Variants in SLC25A42 observed in about 807,000 individuals in gnomAD.
SLC25A42 encodes the protein solute carrier family 25 member 42.
In SLC25A42, 19 loss-of-function variants were observed where a neutral mutation model predicts 34.7. The observed-to-expected ratio is 0.55, with a 90% CI of 0.38 to 0.80. The LOEUF is 0.80. Ranked by LOEUF, SLC25A42 falls within the 30% of genes least tolerant of loss-of-function variation. SLC25A42 has a pLI of 0.00. For missense variants in SLC25A42, 364 were observed against 441.3 expected (o/e 0.82, Z 1.57); for synonymous variants, 205 against 191.2 (o/e 1.07, Z -0.59).
At chr19:19,095,476 G>A (rs1418465292) in intron 1 of SLC25A42, among the ~76,000 whole-genome samples, 1 of 152,102 alleles carries the variant, frequency 6.6e-6, no homozygotes, top group African/African-American at 2.4e-5. Flanking sequence ...AGCTGGGTGT[G>A]GTAGCAGGCG....
chr19:19,100,366 T>G (rs1488899420), intron 2 of SLC25A42, among the ~76,000 whole-genome samples: 2 of 151,822 alleles, frequency 1.3e-5, no homozygotes, highest in African/African-American at 4.8e-5. Context: ...AATAACCCAT[T>G]TATTTGGGCA....
At chr19:19,104,073 AT>A (rs751069973) in intron 3 of SLC25A42, among the ~76,000 whole-genome samples, 3 of 151,684 alleles carry the variant, frequency 2.0e-5, no homozygotes, top group Non-Finnish European at 4.4e-5. Flanking sequence ...TGCCTGGCTA[AT>A]TTTTTTGTAC....
At chr19:19,077,303 C>T (rs780384596) in intron 1 of SLC25A42, among the ~76,000 whole-genome samples, 14 of 152,214 alleles carry the variant, frequency 9.2e-5, no homozygotes, top group African/African-American at 3.4e-4. Context: ...CACCACCATC[C>T]GTCTCCACAA....
rs954578823 is a variant in SLC25A42 at position 19,104,795 on chromosome 19, G to A, written c.188-118G>A. 3 of 1,093,126 alleles carry A rather than the reference G, an allele frequency of 2.7e-6. No individual in the cohort carries two copies. In the African/African-American group the frequency reaches 7.8e-5, roughly 28 times the overall value. 67.7% of individuals were successfully genotyped at this position (1,093,126 alleles called of 1,614,324 possible). ...GTGTCAGCTCAGCTCCCATTCCTGG[G>A]ACAAGATTGGGGGGAAAAGGAGGGT... On this transcript the variant is annotated intron_variant, in intron 3 of 7. Transcript: ENST00000318596.
At chr19:19,080,107 G>T (rs1278277803) in intron 1 of SLC25A42, among the ~76,000 whole-genome samples, 1 of 152,180 alleles carries the variant, frequency 6.6e-6, no homozygotes, top group Non-Finnish European at 1.5e-5. Context: ...CGGGTGTTCC[G>T]CATGTGTAGG....
intron 3 of SLC25A42, 43 bp downstream of exon 3, chr19:19,101,929 G>A (rs371554550): frequency 3.2e-5 from 45 of 1,409,832 alleles, no homozygotes; most frequent in African/African-American, 2.4e-4. Context: ...GCTGCCAGGC[G>A]GTCACCTCCT....
chr19:19,066,775 C>A (rs1201267978), intron 1 of SLC25A42, among the ~76,000 whole-genome samples: 1 of 152,148 alleles, frequency 6.6e-6, no homozygotes, highest in African/African-American at 2.4e-5. Context: ...TTAGCTTTTA[C>A]AAACAGAGCT....
chr19:19,073,674 A>G (rs991673750), intron 1 of SLC25A42, among the ~76,000 whole-genome samples: 4 of 151,524 alleles, frequency 2.6e-5, no homozygotes, highest in African/African-American at 7.3e-5. Flanking sequence ...TCCTAGGTTC[A>G]AGCAATTCTC....
intron 1 of SLC25A42, among the ~76,000 whole-genome samples, chr19:19,071,163 A>C (rs10409164): frequency 6.6e-6 from 1 of 151,738 alleles, no homozygotes; most frequent in Non-Finnish European, 1.5e-5. Flanking sequence ...TGCACCACCA[A>C]GCCCGGCTAA....
At chr19:19,065,914 T>TG (rs1170387717) in intron 1 of SLC25A42, among the ~76,000 whole-genome samples, 1 of 152,156 alleles carries the variant, frequency 6.6e-6, no homozygotes, top group Non-Finnish European at 1.5e-5. Flanking sequence ...TGGAGTGCAG[T>TG]GGTGTGATCT....
intron 1 of SLC25A42, among the ~76,000 whole-genome samples, chr19:19,067,330 C>T (rs1354155331): frequency 2.0e-5 from 3 of 152,116 alleles, no homozygotes; most frequent in Non-Finnish European, 2.9e-5. Context: ...TTCACACCAC[C>T]CAACACTTTG....
intron 2 of SLC25A42, among the ~76,000 whole-genome samples, 162 bp downstream of exon 2, chr19:19,096,367 G>A (rs538527080): frequency 3.3e-5 from 5 of 150,644 alleles, no homozygotes; most frequent in African/African-American, 1.2e-4. Context: ...AAATCACCCT[G>A]TACCTAGGAT....
intron 6 of SLC25A42, among the ~76,000 whole-genome samples, chr19:19,107,230 T>C (rs1024872897): frequency 1.3e-5 from 2 of 150,878 alleles, no homozygotes; most frequent in Admixed American, 6.6e-5. Flanking sequence ...GGGAGGAGGA[T>C]TGCTTGAGTC....
chr19:19,091,801 C>G lies in SLC25A42; in HGVS notation c.-34-4290C>G, dbSNP rs532359145. On this transcript the variant is annotated intron_variant, in intron 1 of 7. Transcript: ENST00000318596. ...CTGAGGTGGGAGGATCACTTGAGAC[C>G]AGGAGGTCGAGGCTATAGTGAGCTA... Among the ~76,000 whole-genome samples, 17 of 152,266 alleles carry G rather than the reference C, an allele frequency of 1.1e-4. 1 individual carries two copies. The South Asian group carries it at 3.5e-3, about 32-fold the overall frequency.
intron 3 of SLC25A42, among the ~76,000 whole-genome samples, chr19:19,104,663 A>C (rs1458661148): frequency 6.6e-6 from 1 of 152,170 alleles, no homozygotes; most frequent in East Asian, 1.9e-4. Context: ...CCTTCCCTGC[A>C]GGGGTTTGGG....
intron 1 of SLC25A42, among the ~76,000 whole-genome samples, chr19:19,086,163 G>A (rs1174203781): frequency 6.6e-6 from 1 of 152,132 alleles, no homozygotes; most frequent in African/African-American, 2.4e-5. Flanking sequence ...CTTTATGAGA[G>A]AGAGTCTCGC....
At chr19:19,083,535 GCCT>G (rs2059691462) in intron 1 of SLC25A42, among the ~76,000 whole-genome samples, 1 of 152,186 alleles carries the variant, frequency 6.6e-6, no homozygotes, top group Non-Finnish European at 1.5e-5. Flanking sequence ...CGGCTCTCTG[GCCT>G]CCTGCCCCTG....
At chr19:19,094,021 A>G (rs967028486) in intron 1 of SLC25A42, among the ~76,000 whole-genome samples, 6 of 152,092 alleles carry the variant, frequency 3.9e-5, no homozygotes, top group African/African-American at 9.7e-5. Flanking sequence ...CTGGGGGAGG[A>G]AGACCCTAGT....
chr19:19,101,782 G>C lies in SLC25A42; in HGVS notation c.83G>C (p.Arg28Pro). ...CTCTGATCACATGTTCTGTTGCAGC[G>C]TGACCACAGGCAAGTGCTCAGCTCC... is the stretch of plus-strand genomic sequence containing the variant. ...AVLSSSVSSKRDHRQVLSSLL... is the reference protein window; with the variant it reads ...AVLSSSVSSKPDHRQVLSSLL... The change falls in exon 3 of 8, where the codon CGT (arginine) becomes CCT (proline). Residue 28 changes from arginine (R) to proline (P), a missense_variant and splice_region_variant. Arg to Pro is a moderately radical substitution (Grantham distance 103). Coordinates refer to ENST00000318596, the MANE Select transcript of SLC25A42 (RefSeq NM_178526.5). 4 of 1,610,770 alleles carry C rather than the reference G, an allele frequency of 2.5e-6. No individual in the cohort carries two copies. The highest frequency in any genetic ancestry group is 3.4e-6 in the Non-Finnish European group (4 of 1,178,692).
Sources: gnomAD v4.1 joint callset for allele counts (sites outside exome capture counted in the v4.1 genomes callset) on GRCh38, gnomAD v4.1.1 for gene constraint, MANE v1.5 for transcripts, NCBI Gene and HGNC (gene_info 2026-07-23, HGNC 2026-07-21) for gene names.